The following ZNF676 variants were observed in gnomAD, a reference collection of about 807,000 sequenced individuals.
ZNF676 encodes zinc finger protein 676.
A neutral mutation model predicts 6.0 loss-of-function variants in ZNF676; 4 were observed. The observed-to-expected ratio is 0.67, with a 90% confidence interval of 0.33 to 1.53. ZNF676 has a LOEUF of 1.53. ZNF676 is among the 40% of genes most tolerant of loss of function. The pLI, the probability that ZNF676 is intolerant of heterozygous loss-of-function variation, is 0.06. For missense variants in ZNF676, 644 were observed against 679.7 expected, an observed-to-expected ratio of 0.95 and a Z score of 0.58; for synonymous variants, 198 against 223.1, an observed-to-expected ratio of 0.89 and a Z score of 1.00.
intron 2 of ZNF676, among the ~76,000 whole-genome samples, chr19:22,182,525 G>T (rs1181112549): frequency 1.6e-5 from 2 of 127,634 alleles, no homozygotes; most frequent in East Asian, 4.8e-4. Flanking sequence ...AAAATAACCA[G>T]TGAATTGTCA....
intron 1 of ZNF676, among the ~76,000 whole-genome samples, chr19:22,194,865 G>A (rs182151274): frequency 5.9e-5 from 9 of 152,204 alleles, no homozygotes; most frequent in Non-Finnish European, 1.3e-4. Flanking sequence ...GGAAGTGCAC[G>A]ATTAGATCTC....
intron 2 of ZNF676, among the ~76,000 whole-genome samples, chr19:22,182,041 T>C (rs1297903780): frequency 6.6e-6 from 1 of 151,974 alleles, no homozygotes; most frequent in African/African-American, 2.4e-5. Context: ...AGTGCTGAAA[T>C]ACATGGTGGT....
chr19:22,205,060 T>C (rs935300259), intron 1 of ZNF676, among the ~76,000 whole-genome samples: 5 of 152,178 alleles, frequency 3.3e-5, no homozygotes, highest in African/African-American at 7.2e-5. Flanking sequence ...CTTGGACATC[T>C]GAATTTTGCA....
chr19:22,253,939 C>T, the ZNF676 span, among the ~76,000 whole-genome samples: 11 of 151,960 alleles, frequency 7.2e-5, no homozygotes, highest in Admixed American at 5.9e-4. Flanking sequence ...TAGAGAAGAC[C>T]CATAATCTCT....
the ZNF676 span, among the ~76,000 whole-genome samples, chr19:22,225,480 G>A: frequency 6.6e-6 from 1 of 152,130 alleles, no homozygotes; most frequent in Non-Finnish European, 1.5e-5. Flanking sequence ...AAATAAGATT[G>A]TTGTAATTGA....
chr19:22,198,770 T>C (rs1428127080), upstream of ZNF676, among the ~76,000 whole-genome samples: 3 of 152,074 alleles, frequency 2.0e-5, no homozygotes, highest in Non-Finnish European at 1.5e-5. Context: ...CTTTTCTTTA[T>C]TTTGTCCTCA....
intron 1 of ZNF676, among the ~76,000 whole-genome samples, chr19:22,195,165 G>T (rs1261695019): frequency 6.6e-6 from 1 of 152,142 alleles, no homozygotes; most frequent in African/African-American, 2.4e-5. Flanking sequence ...GAGAAATGAG[G>T]AAATAAAGGG....
At position 22,215,505 on chromosome 19, in the gene ZNF676, G is replaced by A. The variant is rs2024175239; in HGVS notation, c.3+127C>T. The A allele has an allele frequency of 3.6e-6, 4 of 1,110,796 alleles. No homozygotes were observed. In the East Asian group the frequency reaches 1.0e-4, roughly 29 times the overall value. 68.8% of individuals were successfully genotyped at this position (1,110,796 alleles called of 1,614,324 possible). A position where few individuals can be genotyped will look rare whatever the true frequency, so the allele number is the denominator to read the frequency against. ...CCATCTTATGGCTGAAGGGGACTGA[G>A]GTCGAGCTAGGCAAGGAGAACTTGT... On this transcript the variant is annotated intron_variant, in intron 1 of 3. Coordinates refer to the ZNF676 transcript ENST00000650058.
the ZNF676 span, among the ~76,000 whole-genome samples, chr19:22,249,813 T>C: frequency 2.6e-4 from 39 of 151,998 alleles, 1 homozygote; most frequent in Admixed American, 3.3e-4. Context: ...ATTGCAGAGT[T>C]ATTAAACGTT....
At chr19:22,242,319 A>G in the ZNF676 span, among the ~76,000 whole-genome samples, 2 of 152,068 alleles carry the variant, frequency 1.3e-5, no homozygotes, top group East Asian at 1.9e-4. Context: ...GCCAAGGGCT[A>G]TGTTCCACTG....
At chr19:22,253,354 GTGTGTGTGTGTGTGTGTGTATATA>G in the ZNF676 span, among the ~76,000 whole-genome samples, 178 of 25,240 alleles carry the variant, frequency 7.1e-3, 3 homozygotes, top group African/African-American at 0.015. Context: ...ATGATAATGG[GTGTGTGTGTGTGTGTGTGTATATA>G]TATATATATA....
At chr19:22,248,081 AT>A in the ZNF676 span, among the ~76,000 whole-genome samples, 5 of 151,814 alleles carry the variant, frequency 3.3e-5, no homozygotes, top group African/African-American at 4.8e-5. Flanking sequence ...CGAACTCATC[AT>A]TTTTTTATGG....
chr19:22,254,233 A>G, the ZNF676 span, among the ~76,000 whole-genome samples: 1 of 152,114 alleles, frequency 6.6e-6, no homozygotes, highest in South Asian at 2.1e-4. Flanking sequence ...GAGTCATTTC[A>G]CCTGGGTGCT....
At chr19:22,212,199 C>CAAAAAAAA (rs34421901) in intron 1 of ZNF676, among the ~76,000 whole-genome samples, 1 of 119,138 alleles carries the variant, frequency 8.4e-6, no homozygotes, top group African/African-American at 3.2e-5. Context: ...GATTCTGTCT[C>CAAAAAAAA]AAAAAAAAAA....
chr19:22,210,063 T>C (rs546225682), intron 1 of ZNF676, among the ~76,000 whole-genome samples: 3 of 152,272 alleles, frequency 2.0e-5, no homozygotes, highest in African/African-American at 4.8e-5. Flanking sequence ...GTTTTCAGTC[T>C]TCTGTCACCC....
rs866529213 is a variant in ZNF676, at chr19:22,193,151, T to A, written c.35-40A>T. 3 of 1,545,402 alleles carry A rather than the reference T, an allele frequency of 1.9e-6. No homozygotes were observed. The Middle Eastern group carries it at 5.2e-4, about 267-fold the overall frequency. On this transcript the variant is annotated intron_variant, in intron 1 of 2. Transcript: ENST00000397121. ...ATGAACAACATCCATCTTGCTCATA[T>A]TCTCCAATTACCAACTTAGTAATGT...
chr19:22,182,593 A>AAAAAAAAAAAAAAAAAAAAAC (rs1356303631), intron 2 of ZNF676, among the ~76,000 whole-genome samples: 15 of 90,938 alleles, frequency 1.6e-4, no homozygotes, highest in African/African-American at 5.4e-4. Flanking sequence ...TCTAAAAAAA[A>AAAAAAAAAAAAAAAAAAAAAC]AAAAAAAAAG....
the ZNF676 span, among the ~76,000 whole-genome samples, chr19:22,223,104 G>C: frequency 6.6e-6 from 1 of 152,108 alleles, no homozygotes; most frequent in Non-Finnish European, 1.5e-5. Context: ...CCAGGCTGTG[G>C]CTGGGAGGAG....
At chr19:22,215,474 C>T (rs924112573) in intron 1 of ZNF676, among the ~76,000 whole-genome samples, 1 of 152,200 alleles carries the variant, frequency 6.6e-6, no homozygotes, top group Non-Finnish European at 1.5e-5. Context: ...GCGGCCCGCG[C>T]AGCCGCCATC....
Sources: gnomAD v4.1 joint callset for allele counts (sites outside exome capture counted in the v4.1 genomes callset) on GRCh38, gnomAD v4.1.1 for gene constraint, MANE v1.5 for transcripts, NCBI Gene and HGNC (gene_info 2026-07-23, HGNC 2026-07-21) for gene names.